ZNF736: variants seen among roughly 807,000 people sequenced by gnomAD.
ZNF736 encodes KRAB-containing zinc-finger repressor protein.
A neutral mutation model predicts 11.7 loss-of-function variants in ZNF736; 6 were observed. The observed-to-expected ratio is 0.51, with a 90% CI of 0.28 to 1.01. The LOEUF (loss-of-function observed/expected upper bound fraction) is 1.01. ZNF736 is among the 50% of genes least tolerant of loss of function. The pLI is 0.09. For synonymous variants in ZNF736, 139 were observed against 164.7 expected (o/e 0.84, Z 1.19); for missense variants, 444 against 496.0 (o/e 0.90, Z 1.00).
At chr7:64,337,736 G>GTTTTGTT (rs368299461) in intron 3 of ZNF736, among the ~76,000 whole-genome samples, 15 of 109,154 alleles carry the variant, frequency 1.4e-4, no homozygotes, top group African/African-American at 2.3e-4. Flanking sequence ...TTTTTGTTTT[G>GTTTTGTT]TTTTGTTTTG....
In ZNF736 at chr7:64,355,949, G is replaced by T; in HGVS notation, c.*6802G>T. On this transcript the variant is annotated 3_prime_UTR_variant, in exon 4 of 4. Coordinates refer to ENST00000423484, the MANE Select transcript of ZNF736 (RefSeq NM_001170905.3). ...AGCCTTCAGTTCTGGGTTGATTTGGGGGCAATTGGATGATATATAGAGTGG... is the reference window on the plus strand; with the variant it reads ...AGCCTTCAGTTCTGGGTTGATTTGGTGGCAATTGGATGATATATAGAGTGG... 5.2e-6 allele frequency: 1 copy of T among 190,778 alleles called. No homozygotes were observed. Among genetic ancestry groups the T allele is most frequent in the South Asian group, 1.1e-4 (1 of 9,414 alleles). The allele number at this position is 190,778 out of a possible 1,614,324, so 11.8% of individuals were successfully genotyped here.
chr7:64,335,047 A>G (rs1268134843), intron 1 of ZNF736, among the ~76,000 whole-genome samples: 13 of 152,210 alleles, frequency 8.5e-5, no homozygotes, highest in Admixed American at 8.5e-4. Context: ...ACAGGAACAG[A>G]AAACCAAACA....
intron 1 of ZNF736, among the ~76,000 whole-genome samples, chr7:64,318,458 A>G (rs574467496): frequency 1.3e-5 from 2 of 152,128 alleles, no homozygotes; most frequent in African/African-American, 4.8e-5. Context: ...CTTAACAATT[A>G]TTTTTGTAAA....
chr7:64,334,150 A>T (rs758430235), intron 1 of ZNF736, among the ~76,000 whole-genome samples: 1 of 152,202 alleles, frequency 6.6e-6, no homozygotes, highest in Non-Finnish European at 1.5e-5. Flanking sequence ...TTAACTCAAG[A>T]TGGATTAAAG....
chr7:64,333,631 G>A (rs887796203), intron 1 of ZNF736, among the ~76,000 whole-genome samples: 7 of 145,248 alleles, frequency 4.8e-5, no homozygotes, highest in Non-Finnish European at 9.0e-5. Flanking sequence ...GGATGCTAAA[G>A]CAAGGAAGTA....
At chr7:64,336,428 A>G (rs1254962275) in intron 2 of ZNF736, 43 bp downstream of exon 2, 5 of 1,504,294 alleles carry the variant, frequency 3.3e-6, no homozygotes, top group Non-Finnish European at 4.4e-6. Flanking sequence ...TACATTAAAT[A>G]TTTTATTTTC....
At chr7:64,330,100 G>C (rs567169174) in intron 1 of ZNF736, among the ~76,000 whole-genome samples, 26 of 151,970 alleles carry the variant, frequency 1.7e-4, no homozygotes, top group Non-Finnish European at 1.2e-4. Context: ...AGTGGTCTTC[G>C]GTCAGCTTGT....
chr7:64,329,193 T>G (rs571702485), intron 1 of ZNF736, among the ~76,000 whole-genome samples: 48 of 152,214 alleles, frequency 3.2e-4, no homozygotes, highest in South Asian at 6.2e-4. Flanking sequence ...TTGCTGAGCT[T>G]TTTTGAATTT....
At chr7:64,338,540 T>G (rs562190533) in intron 3 of ZNF736, among the ~76,000 whole-genome samples, 21 of 152,268 alleles carry the variant, frequency 1.4e-4, no homozygotes, top group African/African-American at 3.6e-4. Flanking sequence ...CTCTATACTC[T>G]CTTCTTCTAG....
chr7:64,339,131 C>T (rs1462460064), intron 3 of ZNF736, among the ~76,000 whole-genome samples: 6 of 152,058 alleles, frequency 3.9e-5, no homozygotes, highest in Admixed American at 3.3e-4. Flanking sequence ...CATTTGTAAA[C>T]ATTTATTTAG....
chr7:64,338,685 G>A (rs1789294054), intron 3 of ZNF736, among the ~76,000 whole-genome samples: 1 of 151,370 alleles, frequency 6.6e-6, no homozygotes, highest in African/African-American at 2.4e-5. Context: ...ATTTTTTATG[G>A]CTGAATAATA....
At position 64,353,518 on chromosome 7, in the gene ZNF736, ACT is replaced by A. The variant is rs1419737177; in HGVS notation, c.*4374_*4375del. On this transcript the variant is annotated 3_prime_UTR_variant, in exon 4 of 4. Coordinates refer to ENST00000423484, the MANE Select transcript of ZNF736 (RefSeq NM_001170905.3). ...CAAAAGCAAATTTCAATATAATTTA[ACT>A]CTTACATTTGATGCTGTGTCTTCAT... 1 of 152,220 alleles carries A rather than the reference ACT, an allele frequency of 6.6e-6. No homozygotes were observed. Among genetic ancestry groups the A allele is most frequent in the Non-Finnish European group, 1.5e-5 (1 of 68,042 alleles). 9.4% of individuals were successfully genotyped at this position (152,220 alleles called of 1,614,324 possible).
intron 1 of ZNF736, among the ~76,000 whole-genome samples, chr7:64,323,620 A>G (rs1383334730): frequency 6.6e-6 from 1 of 152,212 alleles, no homozygotes; most frequent in Non-Finnish European, 1.5e-5. Flanking sequence ...CGCTATTCTC[A>G]GCAAACTTAA....
rs1338570761 is a variant in ZNF736 at position 64,314,162 on chromosome 7, G to T, written c.3+9G>T. 4.5e-6 allele frequency: 7 copies of T among 1,551,924 alleles called. No individual in the cohort carries two copies. Among genetic ancestry groups the T allele is most frequent in the Non-Finnish European group, 6.1e-6 (7 of 1,147,240 alleles). On this transcript the variant is annotated intron_variant, in intron 1 of 3. Transcript: ENST00000423484. The stretch of plus-strand genomic sequence containing the variant: ...CTGGAGGCTGGGAAATGGTGAGTGC[G>T]TGGAGTGGGTGTCCCGAGAATGGGG...
At chr7:64,346,476 CTT>C (rs35933292) in intron 3 of ZNF736, among the ~76,000 whole-genome samples, 30 of 138,804 alleles carry the variant, frequency 2.2e-4, no homozygotes, top group African/African-American at 3.8e-4. Flanking sequence ...CTTGCTTAGA[CTT>C]TTTTTTTTTC....
intron 1 of ZNF736, among the ~76,000 whole-genome samples, chr7:64,330,413 TC>T (rs1562670413): frequency 6.6e-6 from 1 of 151,866 alleles, no homozygotes; most frequent in African/African-American, 2.4e-5. Flanking sequence ...CGCCTTGGCC[TC>T]CCAAAGTGCT....
rs1263096994 is a variant in ZNF736, at chr7:64,356,206, G to A, written c.*7059G>A. On this transcript the variant is annotated 3_prime_UTR_variant, in exon 4 of 4. Coordinates refer to ENST00000423484, the MANE Select transcript of ZNF736 (RefSeq NM_001170905.3). The stretch of plus-strand genomic sequence containing the variant: ...ATTATCAGATGCTGAAAGATAAAGA[G>A]CAAGTAAATGAATCTATTTCAGTTT... The A allele has an allele frequency of 1.3e-5, 2 of 152,194 alleles. No homozygotes were observed. Among genetic ancestry groups the A allele is most frequent in the Admixed American group, 1.3e-4 (2 of 15,282 alleles). The allele number at this position is 152,194 out of a possible 1,614,324, so 9.4% of individuals were successfully genotyped here.
intron 3 of ZNF736, 59 bp downstream of exon 3, chr7:64,337,041 A>C: frequency 7.1e-7 from 1 of 1,405,288 alleles, no homozygotes; most frequent in Non-Finnish European, 9.9e-7. Flanking sequence ...TCAAGGAGGA[A>C]GCCAAACCTT....
chr7:64,356,144 A>G lies in ZNF736; in HGVS notation c.*6997A>G, dbSNP rs944771540. The G allele has an allele frequency of 9.2e-5, 14 of 152,256 alleles. No individual in the cohort carries two copies. Among genetic ancestry groups the G allele is most frequent in the African/African-American group, 2.2e-4 (9 of 41,448 alleles). 9.4% of individuals were successfully genotyped at this position (152,256 alleles called of 1,614,324 possible). A position where few individuals can be genotyped will look rare whatever the true frequency, so the allele number is the denominator to read the frequency against. ...ACAAGAGCTGTTTGGCCTTATTTCTATGCTGAAGCAGATTCTGAACGTCTT... is the reference window on the plus strand; with the variant it reads ...ACAAGAGCTGTTTGGCCTTATTTCTGTGCTGAAGCAGATTCTGAACGTCTT... On this transcript the variant is annotated 3_prime_UTR_variant, in exon 4 of 4. Transcript: ENST00000423484.
Sources: gnomAD v4.1 joint callset for allele counts (sites outside exome capture counted in the v4.1 genomes callset) on GRCh38, gnomAD v4.1.1 for gene constraint, MANE v1.5 for transcripts, NCBI Gene and HGNC (gene_info 2026-07-23, HGNC 2026-07-21) for gene names.